Variants in ASMTL observed in about 807,000 individuals in gnomAD.
ASMTL encodes the protein acetylserotonin O-methyltransferase like, also known as probable bifunctional dTTP/UTP pyrophosphatase/methyltransferase protein.
In ASMTL, 57 loss-of-function variants were observed where a neutral mutation model predicts 60.3. The ratio of observed to expected loss-of-function variants is 0.95; its 90% CI spans 0.76 to 1.18. The LOEUF is 1.18. ASMTL is among the 50% of genes most tolerant of loss of function. The pLI, the probability that ASMTL is intolerant of heterozygous loss-of-function variation, is 0.00. For synonymous variants in ASMTL, 419 were observed against 373.0 expected (o/e 1.12, Z -1.42); for missense variants, 981 against 852.6 (o/e 1.15, Z -1.88).
At position 1,428,052 on chromosome X, in the gene ASMTL, A is replaced by T. The variant is rs767159593; in HGVS notation, c.579T>A (p.Phe193Leu). 3 of 1,613,714 alleles carry T rather than the reference A, an allele frequency of 1.9e-6. No homozygotes were observed. The highest frequency in any genetic ancestry group is 2.5e-6 in the Non-Finnish European group (3 of 1,179,838). ...TCAGCGGGAATCCCACCACGTTCAG[A>T]AAGTCCCCGTGTACGGACTCCACCA... ...GMLVESVHGDFLNVVGFPLNH... is the reference protein window; with the variant it reads ...GMLVESVHGDLLNVVGFPLNH... Residue 193 changes from phenylalanine to leucine, a missense_variant, in exon 7 of 13, where the codon TTT (phenylalanine) becomes TTA (leucine). By Grantham distance (22) the Phe-to-Leu change is conservative (BLOSUM62 0). Transcript: ENST00000381317.
chrX:1,433,825 TTC>T (rs1471158156), intron 5 of ASMTL, among the ~76,000 whole-genome samples: 1 of 152,146 alleles, frequency 6.6e-6, no homozygotes, highest in African/African-American at 2.4e-5. Context: ...TGTGCCTGGC[TTC>T]TGTCTGGCAC....
intron 6 of ASMTL, 26 bp downstream of exon 6, chrX:1,432,243 G>A (rs371228246): frequency 4.5e-5 from 70 of 1,550,830 alleles, no homozygotes; most frequent in Non-Finnish European, 5.9e-5. Flanking sequence ...CGTGTCCCCC[G>A]TCCCCCCACC....
chrX:1,403,663 C>T (rs1286424818), intron 12 of ASMTL, 174 bp from the exon 13 acceptor site: 2 of 614,408 alleles, frequency 3.3e-6, no homozygotes, highest in Admixed American at 2.8e-5. Flanking sequence ...AGACTTGATG[C>T]AGGGCGGACA....
Position 1,418,038 on chromosome X carries a change from A to G in ASMTL, c.1457T>C (p.Ile486Thr). The G allele has an allele frequency of 6.2e-7, 1 of 1,613,536 alleles. No individual in the cohort carries two copies. The highest frequency in any genetic ancestry group is 8.5e-7 in the Non-Finnish European group (1 of 1,179,646). Residue 486 changes from isoleucine to threonine, a missense_variant, in exon 11 of 13, where the codon ATT (isoleucine) becomes ACT (threonine). Transcript: ENST00000381317. ...TTGGAAGTGGGCGGCCAGCTCGATAATGTCTGGGAGGTCAAACACAGTCAC... is the reference window on the plus strand; with the variant it reads ...TTGGAAGTGGGCGGCCAGCTCGATAGTGTCTGGGAGGTCAAACACAGTCAC... Reference protein sequence around the residue: ...MQVTVFDLPDIIELAAHFQPP... With the variant: ...MQVTVFDLPDTIELAAHFQPP...
chrX:1,410,925 C>T (rs1383895008), intron 12 of ASMTL, among the ~76,000 whole-genome samples: 1 of 151,848 alleles, frequency 6.6e-6, no homozygotes, highest in South Asian at 2.1e-4. Context: ...GTGGCTCACG[C>T]CTGTAATCCC....
intron 5 of ASMTL, among the ~76,000 whole-genome samples, chrX:1,433,845 C>G (rs1162282670): frequency 6.6e-6 from 1 of 152,142 alleles, no homozygotes; most frequent in South Asian, 2.1e-4. Flanking sequence ...CACTTCCTGA[C>G]CTGCTCCTTC....
intron 9 of ASMTL, 29 bp from the exon 10 acceptor site, chrX:1,419,143 C>T: frequency 6.2e-7 from 1 of 1,608,722 alleles, no homozygotes; most frequent in Non-Finnish European, 8.5e-7. Flanking sequence ...TTAGGGGCAC[C>T]AGAGAACACG....
intron 12 of ASMTL, among the ~76,000 whole-genome samples, chrX:1,412,136 AC>A (rs2090053105): frequency 6.6e-6 from 1 of 151,532 alleles, no homozygotes; most frequent in Non-Finnish European, 1.5e-5. Flanking sequence ...AACTTTAAAT[AC>A]AGCAGATTTA....
In ASMTL at chrX:1,421,808, C is replaced by A; in HGVS notation, c.1095G>T (p.Leu365=). 1 of 1,613,800 alleles carries A rather than the reference C, an allele frequency of 6.2e-7. No homozygotes were observed. The highest frequency in any genetic ancestry group is 8.5e-7 in the Non-Finnish European group (1 of 1,179,832). The stretch of plus-strand genomic sequence containing the variant: ...GCAGAGAGTATTCGCCATCCGATGC[C>A]AGGTAGACGTTCGCTGTCTCTGTGT... ...YSNTETANVY[L]ASDGEYSLHG... is the part of the protein sequence containing the mutation. Residue 365 remains leucine (L), a synonymous_variant, in exon 9 of 13, where the codon CTG becomes CTT. Coordinates refer to ENST00000381317, the MANE Select transcript of ASMTL (RefSeq NM_004192.4).
chrX:1,410,530 C>G (rs1344682910), intron 12 of ASMTL, among the ~76,000 whole-genome samples: 2 of 152,004 alleles, frequency 1.3e-5, no homozygotes, highest in African/African-American at 4.8e-5. Flanking sequence ...TGTCCTCTCT[C>G]AGCCTCCTGA....
At chrX:1,417,523 G>GCACACA (rs374406800) in intron 11 of ASMTL, among the ~76,000 whole-genome samples, 10 of 149,086 alleles carry the variant, frequency 6.7e-5, no homozygotes, top group South Asian at 2.1e-4. Flanking sequence ...ACACAGACAT[G>GCACACA]CACACACACA....
chrX:1,405,929 G>A (rs1266416027), intron 12 of ASMTL, among the ~76,000 whole-genome samples: 1 of 149,164 alleles, frequency 6.7e-6, no homozygotes, highest in Non-Finnish European at 1.5e-5. Flanking sequence ...TAGATGAGTG[G>A]ATGGATGGAT....
In ASMTL at chrX:1,412,804, G is replaced by A. The variant is rs759034778; in HGVS notation, c.1573C>T (p.Arg525Trp). The A allele has an allele frequency of 1.9e-5, 31 of 1,613,824 alleles. No homozygotes were observed. In the Admixed American group the frequency reaches 3.8e-4, roughly 20 times the overall value. The change falls in exon 12 of 13, where the codon CGG becomes TGG. Residue 525 changes from arginine to tryptophan, a missense_variant. Arg to Trp is a moderately radical substitution (Grantham distance 101, BLOSUM62 -3). Coordinates refer to ENST00000381317, the MANE Select transcript of ASMTL (RefSeq NM_004192.4). ...TCGTCTGGCCAGTCATGCAGGATCC[G>A]GCACAGGACGTACAGCTCAGCGCTG... The part of the protein sequence containing the change: ...LPSAELYVLC[R>W]ILHDWPDDKV...
intron 7 of ASMTL, among the ~76,000 whole-genome samples, chrX:1,427,269 C>T (rs1432010863): frequency 4.7e-5 from 7 of 149,910 alleles, no homozygotes; most frequent in African/African-American, 1.7e-4. Flanking sequence ...CCAGAAGGAA[C>T]TGGATACATC....
At chrX:1,432,564 T>C (rs2090825988) in intron 5 of ASMTL, among the ~76,000 whole-genome samples, 187 bp from the exon 6 acceptor site, 1 of 152,184 alleles carries the variant, frequency 6.6e-6, no homozygotes, top group Admixed American at 6.5e-5. Context: ...GCGCGGTGGC[T>C]CACGCCTGTC....
At chrX:1,449,040 C>G (rs1442308964) in intron 1 of ASMTL, among the ~76,000 whole-genome samples, 1 of 152,142 alleles carries the variant, frequency 6.6e-6, no homozygotes, top group Non-Finnish European at 1.5e-5. Context: ...CCAAGATAAC[C>G]TCCTTCAGAC....
At chrX:1,433,391 C>T (rs1361285996) in intron 5 of ASMTL, among the ~76,000 whole-genome samples, 5 of 149,664 alleles carry the variant, frequency 3.3e-5, no homozygotes, top group Non-Finnish European at 4.4e-5. Context: ...AGGGACCGCG[C>T]GCGGTGGCTC....
chrX:1,427,000 C>CA (rs1218373950), intron 7 of ASMTL, among the ~76,000 whole-genome samples: 5 of 84,134 alleles, frequency 5.9e-5, no homozygotes, highest in African/African-American at 1.3e-4. Flanking sequence ...AAAACAAAAA[C>CA]AAAAAAAAGA....
chrX:1,418,000 G>T lies in ASMTL; in HGVS notation c.1495C>A (p.Gln499Lys). The change falls in exon 11 of 13, where the codon CAG becomes AAG. Residue 499 changes from glutamine (Q) to lysine (K), a missense_variant. Gln to Lys is a moderately conservative substitution (Grantham distance 53, BLOSUM62 1). Coordinates refer to ENST00000381317, the MANE Select transcript of ASMTL (RefSeq NM_004192.4). ...GCTGCGAAGTGGATCTGCACTGCCT[G>T]CGGTCCGGGGGGTTGGAAGTGGGCG... is the stretch of plus-strand genomic sequence containing the variant. ...LAAHFQPPGP[Q>K]AVQIHFAAGD... 1 of 1,613,112 alleles carries T rather than the reference G, an allele frequency of 6.2e-7. No individual in the cohort carries two copies. Among genetic ancestry groups the T allele is most frequent in the Middle Eastern group, 1.7e-4 (1 of 6,034 alleles).
Sources: allele counts gnomAD v4.1 joint callset (sites outside exome capture counted in the v4.1 genomes callset), GRCh38; gene constraint gnomAD v4.1.1; transcripts MANE v1.5; gene names NCBI Gene and HGNC (gene_info 2026-07-23, HGNC 2026-07-21).